TDRD3: variants seen among roughly 807,000 people sequenced by gnomAD.
The protein encoded by TDRD3 is tudor domain-containing protein 3.
TDRD3 carries 45 observed loss-of-function variants against 86.7 expected under a neutral mutation model. The ratio of observed to expected loss-of-function variants is 0.52; its 90% CI spans 0.41 to 0.67. The LOEUF (loss-of-function observed/expected upper bound fraction) is 0.67, where lower values mean the gene tolerates loss of function less well. Ranked by LOEUF, TDRD3 falls within the 30% of genes least tolerant of loss-of-function variation. The pLI, the probability that TDRD3 is intolerant of heterozygous loss-of-function variation, is 0.00. For missense variants in TDRD3, 814 were observed against 889.0 expected, an observed-to-expected ratio of 0.92 and a Z score of 1.07; for synonymous variants, 298 against 301.7, an observed-to-expected ratio of 0.99 and a Z score of 0.13.
At chr13:60,437,406 G>A (rs536936343) in intron 1 of TDRD3, among the ~76,000 whole-genome samples, 4 of 151,898 alleles carry the variant, frequency 2.6e-5, no homozygotes, top group South Asian at 2.1e-4. Context: ...GGTTAGAGGC[G>A]TGAGCCACTG....
intron 8 of TDRD3, among the ~76,000 whole-genome samples, chr13:60,500,417 G>A (rs1164262704): frequency 1.3e-5 from 2 of 152,136 alleles, no homozygotes; most frequent in African/African-American, 4.8e-5. Flanking sequence ...TGCACCAGTG[G>A]CCTCATGGGG....
chr13:60,418,677 C>T (rs1160142130), intron 1 of TDRD3, among the ~76,000 whole-genome samples: 2 of 152,132 alleles, frequency 1.3e-5, no homozygotes, highest in Non-Finnish European at 2.9e-5. Context: ...GTTTAAGTAA[C>T]CCCCATTCTA....
intron 1 of TDRD3, among the ~76,000 whole-genome samples, chr13:60,402,845 C>A (rs796229274): frequency 1.3e-5 from 2 of 152,040 alleles, no homozygotes; most frequent in Non-Finnish European, 2.9e-5. Context: ...TGCGCCACCA[C>A]GCCTGGCTAG....
chr13:60,553,184 A>G (rs913819077), intron 12 of TDRD3, among the ~76,000 whole-genome samples: 5 of 152,196 alleles, frequency 3.3e-5, no homozygotes, highest in East Asian at 1.9e-4. Flanking sequence ...ATAAATTTCA[A>G]TTTCAAACCA....
chr13:60,465,661 A>G (rs1955903954), intron 4 of TDRD3, among the ~76,000 whole-genome samples: 2 of 152,210 alleles, frequency 1.3e-5, no homozygotes, highest in African/African-American at 4.8e-5. Context: ...TTAAAATCAG[A>G]CATCCTCTAT....
At chr13:60,424,453 G>A (rs1594915865) in intron 1 of TDRD3, among the ~76,000 whole-genome samples, 1 of 151,992 alleles carries the variant, frequency 6.6e-6, no homozygotes, top group Non-Finnish European at 1.5e-5. Context: ...TGAGGTTGGC[G>A]GATCACTTGA....
rs111619040 is a variant in TDRD3, at chr13:60,566,925, C to A, written c.2119-600C>A. ...TTTGAGTCTTACTCTGGTGATCTCT[C>A]TATCTTGCATGAAGCTTTCTTTATA... is the stretch of plus-strand genomic sequence containing the variant. On this transcript the variant is annotated intron_variant, in intron 12 of 13. Coordinates refer to ENST00000377881, the MANE Select transcript of TDRD3 (RefSeq NM_001146070.2). Among the ~76,000 whole-genome samples, 43 of 152,296 alleles carry A rather than the reference C, an allele frequency of 2.8e-4. 1 individual carries two copies. The highest frequency in any genetic ancestry group is 1.0e-3 in the African/African-American group (43 of 41,566).
At chr13:60,449,568 A>G (rs1348276953) in intron 3 of TDRD3, among the ~76,000 whole-genome samples, 2 of 152,114 alleles carry the variant, frequency 1.3e-5, no homozygotes, top group Non-Finnish European at 2.9e-5. Context: ...TGCTATAATT[A>G]CTTTGTGATT....
At chr13:60,492,107 T>G (rs1956601028) in intron 7 of TDRD3, among the ~76,000 whole-genome samples, 1 of 152,160 alleles carries the variant, frequency 6.6e-6, no homozygotes, top group Admixed American at 6.5e-5. Context: ...AGTAACTATT[T>G]TAGAGCAGTA....
intron 5 of TDRD3, among the ~76,000 whole-genome samples, chr13:60,474,356 G>A (rs545793586): frequency 1.3e-4 from 20 of 152,054 alleles, no homozygotes; most frequent in African/African-American, 4.3e-4. Flanking sequence ...CGGTCTCCGC[G>A]CCTTGGTGGT....
chr13:60,518,116 A>G (rs77032775), intron 10 of TDRD3, among the ~76,000 whole-genome samples: 3 of 152,358 alleles, frequency 2.0e-5, no homozygotes, highest in African/African-American at 7.2e-5. Flanking sequence ...TGGCAGGCAC[A>G]GTACCAGGTG....
intron 3 of TDRD3, among the ~76,000 whole-genome samples, chr13:60,448,045 G>A (rs1238632851): frequency 6.6e-6 from 1 of 152,110 alleles, no homozygotes; most frequent in Non-Finnish European, 1.5e-5. Context: ...AAGGAGTGTA[G>A]AGACGAGTCT....
intron 12 of TDRD3, among the ~76,000 whole-genome samples, chr13:60,540,326 G>A (rs558344437): frequency 6.6e-6 from 1 of 152,278 alleles, no homozygotes; most frequent in African/African-American, 2.4e-5. Flanking sequence ...GGGATTCCAT[G>A]CAGTATCTTT....
At chr13:60,461,625 A>C (rs1475073540) in intron 4 of TDRD3, among the ~76,000 whole-genome samples, 1 of 152,172 alleles carries the variant, frequency 6.6e-6, no homozygotes, top group African/African-American at 2.4e-5. Flanking sequence ...TTGAGCAGGC[A>C]TTTATCAGGT....
intron 12 of TDRD3, chr13:60,536,938 T>G (rs1957707965): frequency 6.6e-6 from 1 of 152,118 alleles, no homozygotes; most frequent in South Asian, 2.1e-4. Context: ...ATTTTAGGTC[T>G]GTATAAACTT....
At chr13:60,555,063 A>G (rs984845116) in intron 12 of TDRD3, among the ~76,000 whole-genome samples, 4 of 152,144 alleles carry the variant, frequency 2.6e-5, no homozygotes, top group East Asian at 1.9e-4. Context: ...CTTGTAGAAA[A>G]TCTTGGGGAT....
intron 12 of TDRD3, chr13:60,547,377 T>C: frequency 1.0e-6 from 1 of 985,356 alleles, no homozygotes; most frequent in Non-Finnish European, 1.2e-6. Context: ...GCAAATTACT[T>C]CCACCTCCCT....
intron 12 of TDRD3, among the ~76,000 whole-genome samples, chr13:60,544,671 T>G (rs1314638517): frequency 6.6e-6 from 1 of 152,098 alleles, no homozygotes; most frequent in Non-Finnish European, 1.5e-5. Context: ...ATTCAGAACC[T>G]TCTAAAAAAC....
intron 12 of TDRD3, among the ~76,000 whole-genome samples, chr13:60,541,040 G>A (rs75362487): frequency 0.082 from 12,412 of 152,194 alleles, 559 homozygotes; most frequent in African/African-American, 0.11. Flanking sequence ...GTGGACATTA[G>A]TTCCACTTCA....
Sources: gnomAD v4.1 joint callset for allele counts (sites outside exome capture counted in the v4.1 genomes callset) on GRCh38, gnomAD v4.1.1 for gene constraint, MANE v1.5 for transcripts, NCBI Gene and HGNC (gene_info 2026-07-23, HGNC 2026-07-21) for gene names.